The following SP100 variants were observed in gnomAD, a reference collection of about 807,000 sequenced individuals.
SP100 encodes SP100 nuclear body protein, also known as nuclear autoantigen Sp-100.
Under a neutral mutation model 130.0 loss-of-function variants are expected in SP100, and 84 were observed. The ratio of observed to expected loss-of-function variants is 0.65; its 90% confidence interval spans 0.54 to 0.77. The LOEUF (loss-of-function observed/expected upper bound fraction) is 0.77, where lower values mean the gene tolerates loss of function less well. Ranked by LOEUF, SP100 falls within the 30% of genes least tolerant of loss-of-function variation. SP100 has a pLI of 0.00. For synonymous variants in SP100, 331 were observed against 351.7 expected (o/e 0.94, Z 0.66); for missense variants, 978 against 1,052.2 (o/e 0.93, Z 0.97).
intron 24 of SP100, among the ~76,000 whole-genome samples, chr2:230,534,543 C>A (rs1416642324): frequency 6.6e-6 from 1 of 152,176 alleles, no homozygotes; most frequent in Non-Finnish European, 1.5e-5. Context: ...TAAATTCGGC[C>A]TTTTTGACCT....
chr2:230,430,005 T>G (rs565945357), intron 2 of SP100, among the ~76,000 whole-genome samples: 1 of 152,360 alleles, frequency 6.6e-6, no homozygotes, highest in African/African-American at 2.4e-5. Flanking sequence ...TTTATTTTAG[T>G]GATATTATTT....
At chr2:230,470,363 C>CT (rs572071965) in intron 15 of SP100, 27 of 1,105,950 alleles carry the variant, frequency 2.4e-5, no homozygotes, top group East Asian at 6.2e-5. Flanking sequence ...TTGTGGTATT[C>CT]TTTTTTTTAA....
chr2:230,454,807 A>G (rs1235683805), intron 8 of SP100, among the ~76,000 whole-genome samples: 1 of 152,116 alleles, frequency 6.6e-6, no homozygotes, highest in African/African-American at 2.4e-5. Context: ...CTCTTGGTCT[A>G]AAGTATAGTT....
At chr2:230,525,833 T>C (rs563719187) in intron 24 of SP100, among the ~76,000 whole-genome samples, 76 of 152,206 alleles carry the variant, frequency 5.0e-4, no homozygotes, top group African/African-American at 1.8e-3. Flanking sequence ...ATGCTGCAGA[T>C]TGGTGGGGGG....
At chr2:230,453,031 A>G (rs2064090506) in intron 8 of SP100, among the ~76,000 whole-genome samples, 1 of 152,188 alleles carries the variant, frequency 6.6e-6, no homozygotes, top group Admixed American at 6.5e-5. Flanking sequence ...CACACTGCTA[A>G]TAAAAGACTG....
In SP100 at chr2:230,530,211, G is replaced by A. The variant is rs187357043; in HGVS notation, c.2095-9056G>A. 9.8e-4 allele frequency among the ~76,000 whole-genome samples: 149 copies of A among 152,220 alleles called. 1 individual carries two copies. The East Asian group carries it at 0.026, about 27-fold the overall frequency. On this transcript the variant is annotated intron_variant, in intron 24 of 28. Coordinates refer to ENST00000340126, the MANE Select transcript of SP100 (RefSeq NM_001080391.2). Reference sequence around the variant, plus strand: ...AAGACTACAGTAACCAAAACAGCATGGTACTGGTACCAAAACAGATATATA... The same window carrying A: ...AAGACTACAGTAACCAAAACAGCATAGTACTGGTACCAAAACAGATATATA...
chr2:230,517,450 C>T (rs754488171), intron 24 of SP100, among the ~76,000 whole-genome samples: 11 of 152,038 alleles, frequency 7.2e-5, no homozygotes, highest in Non-Finnish European at 1.2e-4. Flanking sequence ...AAAGACAATA[C>T]AGGAATTATC....
rs75648532 is a variant in SP100 at position 230,475,931 on chromosome 2, T to C, written c.1600+1484T>C. Among the ~76,000 whole-genome samples, 444 of 152,348 alleles carry C rather than the reference T, an allele frequency of 2.9e-3. 2 individuals carry two copies. The highest frequency in any genetic ancestry group is 3.6e-3 in the Non-Finnish European group (246 of 68,030). On this transcript the variant is annotated intron_variant, in intron 17 of 28. Transcript: ENST00000340126. ...TTGTACCAGTACCATGCCATTTTGA[T>C]TACTGTAGCCTTATAGTATAGTTAG...
chr2:230,447,528 G>C (rs762190463), intron 5 of SP100, among the ~76,000 whole-genome samples: 1 of 152,192 alleles, frequency 6.6e-6, no homozygotes, highest in Non-Finnish European at 1.5e-5. Flanking sequence ...GGAGGTTCCC[G>C]CAAGCCCTTC....
intron 17 of SP100, among the ~76,000 whole-genome samples, chr2:230,482,278 A>G (rs1001016340): frequency 6.6e-6 from 1 of 152,224 alleles, no homozygotes; most frequent in Non-Finnish European, 1.5e-5. Flanking sequence ...AGTCAGATCC[A>G]GTGAATAAAT....
intron 24 of SP100, among the ~76,000 whole-genome samples, chr2:230,521,490 G>A (rs991863881): frequency 6.6e-6 from 1 of 152,144 alleles, no homozygotes; most frequent in Non-Finnish European, 1.5e-5. Context: ...TTTGCTGCAT[G>A]TAGTTACATT....
intron 17 of SP100, among the ~76,000 whole-genome samples, chr2:230,477,959 G>T (rs1421895705): frequency 9.2e-6 from 1 of 108,990 alleles, no homozygotes; most frequent in African/African-American, 3.4e-5. Context: ...AAAAAAAAAA[G>T]CATTGAATTT....
chr2:230,471,880 G>T (rs555556976), intron 15 of SP100, among the ~76,000 whole-genome samples: 1 of 152,228 alleles, frequency 6.6e-6, no homozygotes, highest in African/African-American at 2.4e-5. Context: ...GGAATTTTGT[G>T]GGGGAGGGAG....
intron 24 of SP100, among the ~76,000 whole-genome samples, chr2:230,529,761 C>G (rs1168342310): frequency 6.6e-6 from 1 of 152,172 alleles, no homozygotes; most frequent in East Asian, 1.9e-4. Flanking sequence ...GTGCAAAAAT[C>G]ACAAGCATTC....
intron 24 of SP100, among the ~76,000 whole-genome samples, chr2:230,513,310 T>C (rs868499283): frequency 1.7e-4 from 26 of 152,206 alleles, no homozygotes; most frequent in Middle Eastern, 3.4e-3. Context: ...AACTCTAAGA[T>C]CCAGAAATAA....
In SP100 at chr2:230,543,589, T is replaced by C. The variant is rs1692245573; in HGVS notation, c.*643T>C. 6.6e-6 allele frequency: 1 copy of C among 152,104 alleles called. No homozygotes were observed. The highest frequency in any genetic ancestry group is 2.4e-5 in the African/African-American group (1 of 41,398). 9.4% of individuals were successfully genotyped at this position (152,104 alleles called of 1,614,324 possible). A position where few individuals can be genotyped will look rare whatever the true frequency, so the allele number is the denominator to read the frequency against. On this transcript the variant is annotated 3_prime_UTR_variant, in exon 29 of 29. Coordinates refer to ENST00000340126, the MANE Select transcript of SP100 (RefSeq NM_001080391.2). ...ACTAAAAGAATAAAATACCTAGGAA[T>C]ACAGCTAATCAGGGAGGTGAGAGAG...
At chr2:230,469,951 G>T in intron 14 of SP100, 64 bp from the exon 15 acceptor site, 1 of 1,549,506 alleles carries the variant, frequency 6.5e-7, no homozygotes, top group East Asian at 2.4e-5. Flanking sequence ...TGCTTTTAAA[G>T]AATTCCCTGC....
intron 24 of SP100, among the ~76,000 whole-genome samples, chr2:230,522,125 A>T (rs1691198789): frequency 6.6e-6 from 1 of 152,280 alleles, no homozygotes; most frequent in East Asian, 1.9e-4. Context: ...GGAAATTCCA[A>T]AGGAATTTCT....
chr2:230,542,143 T>C (rs1009959544), intron 28 of SP100, 108 bp downstream of exon 28: 9 of 1,178,140 alleles, frequency 7.6e-6, no homozygotes, highest in African/African-American at 7.6e-5. Context: ...CCTTATCATA[T>C]GACAAGCCCA....
Sources: gnomAD v4.1 joint callset for allele counts (sites outside exome capture counted in the v4.1 genomes callset) on GRCh38, gnomAD v4.1.1 for gene constraint, MANE v1.5 for transcripts, NCBI Gene and HGNC (gene_info 2026-07-23, HGNC 2026-07-21) for gene names.